FBLN7: variants seen among roughly 807,000 people sequenced by gnomAD.
The protein encoded by FBLN7 is fibulin-7.
Under a neutral mutation model 44.0 loss-of-function variants are expected in FBLN7, and 31 were observed. The ratio of observed to expected loss-of-function variants is 0.70; its 90% confidence interval spans 0.53 to 0.95. The LOEUF (loss-of-function observed/expected upper bound fraction) is 0.95, where lower values mean the gene tolerates loss of function less well. Among genes scored for constraint, FBLN7 ranks in the 40% least tolerant of loss-of-function variants. The pLI is 0.00. For synonymous variants in FBLN7, 262 were observed against 253.4 expected (o/e 1.03, Z -0.32); for missense variants, 573 against 618.5 (o/e 0.93, Z 0.78).
At chr2:112,180,922 C>CAA (rs60214148) in intron 4 of FBLN7, among the ~76,000 whole-genome samples, 483 of 73,932 alleles carry the variant, frequency 6.5e-3, no homozygotes, top group Middle Eastern at 0.013. Context: ...GACTCTGTCT[C>CAA]AAAAAAAAAA....
At chr2:112,197,234 AACACACACACACACACAC>A in the FBLN7 span, among the ~76,000 whole-genome samples, 1 of 89,334 alleles carries the variant, frequency 1.1e-5, no homozygotes, top group East Asian at 3.9e-4. Context: ...CGTAAGAGAA[AACACACACACACACACAC>A]ACACACACAC....
intron 3 of FBLN7, among the ~76,000 whole-genome samples, chr2:112,165,998 A>G (rs1573802006): frequency 6.6e-6 from 1 of 151,932 alleles, no homozygotes; most frequent in African/African-American, 2.4e-5. Flanking sequence ...AGAAACACGG[A>G]CATTATATAA....
the FBLN7 span, chr2:112,234,257 A>G: frequency 1.3e-6 from 2 of 1,502,080 alleles, no homozygotes; most frequent in Non-Finnish European, 1.8e-6. Context: ...AAAAACAAAA[A>G]AACTAAATGT....
the FBLN7 span, chr2:112,231,878 T>C: frequency 6.3e-7 from 1 of 1,593,802 alleles, no homozygotes; most frequent in East Asian, 2.3e-5. Context: ...CAGTGGAGCA[T>C]GAGAAAACTT....
chr2:112,188,990 G>A (rs996027250), downstream of FBLN7: 1 of 152,250 alleles, frequency 6.6e-6, no homozygotes. Context: ...CACAACACCA[G>A]GCGGAAGAGT....
chr2:112,181,991 C>A, intron 5 of FBLN7, 115 bp downstream of exon 5: 2 of 1,327,244 alleles, frequency 1.5e-6, no homozygotes, highest in East Asian at 3.0e-5. Context: ...CGCGCGGTCT[C>A]AGAAGGCCTG....
the FBLN7 span, among the ~76,000 whole-genome samples, chr2:112,242,450 C>G: frequency 2.0e-5 from 3 of 152,232 alleles, no homozygotes; most frequent in Admixed American, 6.5e-5. Flanking sequence ...TCATGGCATT[C>G]TCATCACTTC....
At chr2:112,156,124 GC>G (rs1328741943) in intron 1 of FBLN7, among the ~76,000 whole-genome samples, 1 of 152,210 alleles carries the variant, frequency 6.6e-6, no homozygotes, top group Non-Finnish European at 1.5e-5. Context: ...CTGCCCAGGT[GC>G]CCAACCTGAA....
the FBLN7 span, among the ~76,000 whole-genome samples, chr2:112,199,823 C>T: frequency 2.9e-4 from 44 of 152,058 alleles, no homozygotes; most frequent in African/African-American, 9.7e-4. Context: ...GGAGTGGGTT[C>T]GTTATTGAGG....
intron 3 of FBLN7, among the ~76,000 whole-genome samples, chr2:112,175,335 A>G (rs1048210995): frequency 3.3e-5 from 5 of 152,250 alleles, no homozygotes; most frequent in Non-Finnish European, 7.3e-5. Context: ...CTCAAAGGCA[A>G]TGTGGGCAGA....
intron 3 of FBLN7, among the ~76,000 whole-genome samples, chr2:112,170,039 G>A (rs925273190): frequency 3.9e-5 from 6 of 152,178 alleles, no homozygotes; most frequent in African/African-American, 1.4e-4. Context: ...TCAGGAGTTC[G>A]AGACTAGCCT....
intron 4 of FBLN7, among the ~76,000 whole-genome samples, chr2:112,178,530 C>A (rs901169367): frequency 6.6e-6 from 1 of 152,156 alleles, no homozygotes. Flanking sequence ...GATACCAAAA[C>A]CTGGCAGAGA....
the FBLN7 span, among the ~76,000 whole-genome samples, chr2:112,201,399 G>T: frequency 6.6e-6 from 1 of 152,232 alleles, no homozygotes; most frequent in Admixed American, 6.5e-5. Flanking sequence ...GTCTTCCCAG[G>T]TGAAGATCTC....
rs1390327101 is a variant in FBLN7 at position 112,159,762 on chromosome 2, C to A, written c.162C>A (p.Gly54=). 6.2e-7 allele frequency: 1 copy of A among 1,604,906 alleles called. No individual in the cohort carries two copies. The highest frequency in any genetic ancestry group is 2.3e-5 in the East Asian group (1 of 43,900). The change falls in exon 2 of 8, where the codon GGC becomes GGA. Residue 54 remains glycine (G), a synonymous_variant. Coordinates refer to ENST00000331203, the MANE Select transcript of FBLN7 (RefSeq NM_153214.3). ...GCCAGGAGACACGCTTCGCCGAGGG[C>A]ATCCGCCACATGAAGAGCCGGCTGG... The part of the protein sequence containing the change: ...LKGQETRFAE[G]IRHMKSRLAA...
chr2:112,235,414 CA>C, the FBLN7 span, among the ~76,000 whole-genome samples: 1 of 152,154 alleles, frequency 6.6e-6, no homozygotes, highest in Admixed American at 6.5e-5. Flanking sequence ...AGAATATTGA[CA>C]GGGGGTTGAG....
the FBLN7 span, among the ~76,000 whole-genome samples, chr2:112,244,302 G>A: frequency 6.6e-6 from 1 of 152,090 alleles, no homozygotes; most frequent in Non-Finnish European, 1.5e-5. Context: ...TATCAACAAT[G>A]AGGTAAATTC....
rs1558879763 is a variant in FBLN7 at position 112,160,714 on chromosome 2, AAGCACGC to A, written c.235+880_235+886del. ...CACGCACACACGCACGCACACACAC[AAGCACGC>A]GCACACGCACGCACACGCACACACG... On this transcript the variant is annotated intron_variant, in intron 2 of 7. Coordinates refer to ENST00000331203, the MANE Select transcript of FBLN7 (RefSeq NM_153214.3). Among the ~76,000 whole-genome samples, 35 of 80,692 alleles carry A rather than the reference AAGCACGC, an allele frequency of 4.3e-4. 1 individual carries two copies. Among genetic ancestry groups the A allele is most frequent in the African/African-American group, 7.9e-4 (15 of 18,944 alleles). The allele number at this position is 80,692 out of a possible 152,430, so 52.9% of individuals were successfully genotyped here. A position where few individuals can be genotyped will look rare whatever the true frequency, so the allele number is the denominator to read the frequency against.
chr2:112,181,796 C>A lies in FBLN7; in HGVS notation c.590C>A (p.Ala197Glu), dbSNP rs756399788. The change falls in exon 5 of 8, where the codon GCG becomes GAG. Residue 197 changes from alanine to glutamate, a missense_variant. Physicochemically the swap from Ala to Glu is moderately radical, Grantham distance 107 (BLOSUM62 -1). Coordinates refer to ENST00000331203, the MANE Select transcript of FBLN7 (RefSeq NM_153214.3). ...GCCTTCAGCCGCGCGCCGCGCTGTG[C>A]GCAGGTGGAGCGGGCTCAGCACTGC... ...DSAFSRAPRC[A>E]QVERAQHCSC... is the part of the protein sequence containing the mutation. The A allele has an allele frequency of 7.4e-6, 11 of 1,482,104 alleles. No individual in the cohort carries two copies. The South Asian group carries it at 1.4e-4, about 19-fold the overall frequency. 91.8% of individuals were successfully genotyped at this position (1,482,104 alleles called of 1,614,324 possible). A position where few individuals can be genotyped will look rare whatever the true frequency, so the allele number is the denominator to read the frequency against.
the FBLN7 span, among the ~76,000 whole-genome samples, chr2:112,225,744 G>GAGAC: frequency 6.6e-6 from 1 of 152,088 alleles, no homozygotes; most frequent in Non-Finnish European, 1.5e-5. Context: ...TTGAACCCAG[G>GAGAC]AGACGGAAGT....
Sources: gnomAD v4.1 joint callset for allele counts (sites outside exome capture counted in the v4.1 genomes callset) on GRCh38, gnomAD v4.1.1 for gene constraint, MANE v1.5 for transcripts, NCBI Gene and HGNC (gene_info 2026-07-23, HGNC 2026-07-21) for gene names.